Variants in PLCL2 observed in about 807,000 individuals in gnomAD.
The protein encoded by PLCL2 is inactive phospholipase C-like protein 2.
Under a neutral mutation model 79.6 loss-of-function variants are expected in PLCL2, and 4 were observed. The ratio of observed to expected loss-of-function variants is 0.05; its 90% CI spans 0.02 to 0.11. PLCL2 has a LOEUF of 0.11. Ranked by LOEUF, PLCL2 falls within the 10% of genes least tolerant of loss-of-function variation. The probability of loss-of-function intolerance (pLI) is 1.00; values close to 1 mark genes in which losing one functional copy is unlikely to be tolerated. For missense variants in PLCL2, 895 were observed against 1,291.0 expected, an observed-to-expected ratio of 0.69 and a Z score of 4.70; for synonymous variants, 484 against 457.7, an observed-to-expected ratio of 1.06 and a Z score of -0.73.
chr3:17,012,085 T>C lies in PLCL2; in HGVS notation c.2739T>C (p.Ile913=). 6.2e-7 allele frequency: 1 copy of C among 1,614,200 alleles called. No individual in the cohort carries two copies. The highest frequency in any genetic ancestry group is 8.5e-7 in the Non-Finnish European group (1 of 1,179,992). The stretch of plus-strand genomic sequence containing the variant: ...ATGCATCTTTGAGAACACTGTGGAT[T>C]AAAACCGTGGATGAGGTATTCAAGA... ...REYASLRTLW[I]KTVDEVFKNA... The change falls in exon 2 of 6, where the codon ATT becomes ATC. Residue 913 remains isoleucine (I), a synonymous_variant. Coordinates refer to ENST00000615277, the MANE Select transcript of PLCL2 (RefSeq NM_001144382.2).
intron 5 of PLCL2, among the ~76,000 whole-genome samples, chr3:17,079,875 G>A (rs984771405): frequency 6.6e-6 from 1 of 152,188 alleles, no homozygotes; most frequent in African/African-American, 2.4e-5. Context: ...CACATGGAAA[G>A]TCAGATCCAT....
At position 16,885,136 on chromosome 3, in the gene PLCL2, G is replaced by T; in HGVS notation, c.97G>T (p.Gly33Trp). The T allele has an allele frequency of 5.9e-6, 3 of 505,590 alleles. No homozygotes were observed. The highest frequency in any genetic ancestry group is 3.8e-5 in the Admixed American group (1 of 26,116). The allele number at this position is 505,590 out of a possible 1,614,324, so 31.3% of individuals were successfully genotyped here. The change falls in exon 1 of 6, where the codon GGG becomes TGG. Residue 33 changes from glycine to tryptophan, a missense_variant. Transcript: ENST00000615277. Reference protein sequence around the residue: ...GAKGALKAGVGEGGGGGGRLG... With the variant: ...GAKGALKAGVWEGGGGGGRLG... ...CAAGGGCGCCCTGAAAGCCGGAGTG[G>T]GGGAAGGCGGTGGCGGGGGAGGTCG... is the stretch of plus-strand genomic sequence containing the variant.
intron 3 of PLCL2, among the ~76,000 whole-genome samples, chr3:17,037,891 G>A (rs142168611): frequency 6.6e-6 from 1 of 152,058 alleles, no homozygotes; most frequent in East Asian, 1.9e-4. Context: ...ATATGAAGGA[G>A]CAGTCTATAG....
At chr3:17,048,108 C>G (rs2064800514) in intron 4 of PLCL2, among the ~76,000 whole-genome samples, 1 of 149,800 alleles carries the variant, frequency 6.7e-6, no homozygotes, top group East Asian at 2.0e-4. Flanking sequence ...TCAAACTCCT[C>G]AGATCTCAGT....
Position 16,885,226 on chromosome 3 carries a change from G to C in PLCL2, c.187G>C (p.Val63Leu). The C allele has an allele frequency of 1.5e-6, 1 of 661,766 alleles. No homozygotes were observed. The highest frequency in any genetic ancestry group is 1.6e-5 in the South Asian group (1 of 63,886). The allele number at this position is 661,766 out of a possible 1,614,324, so 41.0% of individuals were successfully genotyped here. Reference protein sequence around the residue: ...GVSNGDCSLGVSGDEARASPT... With the variant: ...GVSNGDCSLGLSGDEARASPT... Reference sequence around the variant, plus strand: ...TTCCAACGGAGACTGCAGCCTCGGCGTGTCCGGGGACGAAGCCCGGGCTAG... The same window carrying C: ...TTCCAACGGAGACTGCAGCCTCGGCCTGTCCGGGGACGAAGCCCGGGCTAG... Residue 63 changes from valine to leucine, a missense_variant, in exon 1 of 6, where the codon GTG (valine) becomes CTG (leucine). Transcript: ENST00000615277.
intron 4 of PLCL2, among the ~76,000 whole-genome samples, chr3:17,049,438 C>T (rs1472167373): frequency 2.0e-5 from 3 of 152,148 alleles, no homozygotes; most frequent in Admixed American, 2.0e-4. Flanking sequence ...AGCCTAAAGA[C>T]TCCACCAAAA....
chr3:17,053,121 A>G (rs983919775), intron 4 of PLCL2, among the ~76,000 whole-genome samples: 1 of 152,200 alleles, frequency 6.6e-6, no homozygotes, highest in Non-Finnish European at 1.5e-5. Flanking sequence ...TACTGCTATA[A>G]AGAAATAACT....
At chr3:16,986,030 G>C (rs955150013) in intron 1 of PLCL2, among the ~76,000 whole-genome samples, 1 of 152,058 alleles carries the variant, frequency 6.6e-6, no homozygotes, top group African/African-American at 2.4e-5. Context: ...GTGGAGCCAA[G>C]ACATAGGGAA....
intron 1 of PLCL2, among the ~76,000 whole-genome samples, chr3:16,990,463 C>G (rs138864022): frequency 2.0e-5 from 3 of 152,152 alleles, no homozygotes; most frequent in African/African-American, 7.2e-5. Context: ...TTATGAGAGA[C>G]CAAAGTGTTT....
At chr3:16,954,479 A>G (rs1347456242) in intron 1 of PLCL2, among the ~76,000 whole-genome samples, 2 of 152,182 alleles carry the variant, frequency 1.3e-5, no homozygotes, top group African/African-American at 2.4e-5. Flanking sequence ...TAGTGCCGCA[A>G]TAAACATACG....
chr3:16,936,715 CTT>C (rs761999781), intron 1 of PLCL2, among the ~76,000 whole-genome samples: 1 of 151,840 alleles, frequency 6.6e-6, no homozygotes. Context: ...TAATATATAA[CTT>C]TGTCAATACT....
At chr3:17,004,933 A>G (rs2064245907) in intron 1 of PLCL2, among the ~76,000 whole-genome samples, 2 of 152,218 alleles carry the variant, frequency 1.3e-5, no homozygotes, top group Admixed American at 1.3e-4. Context: ...GATTCAAGCA[A>G]ACCAGAGAGA....
chr3:17,072,681 A>G (rs2065072133), intron 5 of PLCL2, among the ~76,000 whole-genome samples: 1 of 151,998 alleles, frequency 6.6e-6, no homozygotes, highest in African/African-American at 2.4e-5. Context: ...AAAAAAAAAA[A>G]AAAAAAGACA....
chr3:16,949,053 A>G (rs1344932786), intron 1 of PLCL2, among the ~76,000 whole-genome samples: 1 of 152,234 alleles, frequency 6.6e-6, no homozygotes, highest in Non-Finnish European at 1.5e-5. Flanking sequence ...AATAATATGT[A>G]TATATCATAA....
intron 1 of PLCL2, among the ~76,000 whole-genome samples, chr3:16,916,003 A>G (rs1206012314): frequency 1.3e-5 from 2 of 152,218 alleles, no homozygotes; most frequent in Admixed American, 6.5e-5. Flanking sequence ...TAAGGTTTCC[A>G]TTATTCATAA....
chr3:16,934,535 C>T (rs1329947440), intron 1 of PLCL2, among the ~76,000 whole-genome samples: 5 of 152,098 alleles, frequency 3.3e-5, no homozygotes, highest in South Asian at 2.1e-4. Context: ...CCGTAGCTCT[C>T]CATAAGTGTC....
At chr3:16,944,874 C>T (rs1240070172) in intron 1 of PLCL2, among the ~76,000 whole-genome samples, 3 of 151,870 alleles carry the variant, frequency 2.0e-5, no homozygotes, top group Non-Finnish European at 4.4e-5. Flanking sequence ...ATTCTCCTAC[C>T]TCAGCCTCCC....
At position 17,010,844 on chromosome 3, in the gene PLCL2, A is replaced by G. The variant is rs2064313425; in HGVS notation, c.1498A>G (p.Ile500Val). 6.2e-7 allele frequency: 1 copy of G among 1,614,008 alleles called. No homozygotes were observed. Among genetic ancestry groups the G allele is most frequent in the Admixed American group, 1.7e-5 (1 of 59,998 alleles). ...CTCTCAGATAGTTTTCCGCAGTGTC[A>G]TTGATATTATTAACAAGTATGCATT... ...MTSQIVFRSV[I>V]DIINKYAFFA... is the part of the protein sequence containing the mutation. Residue 500 changes from isoleucine (I) to valine (V), a missense_variant, in exon 2 of 6, where the codon ATT becomes GTT. Ile to Val is a conservative substitution (Grantham distance 29, BLOSUM62 3). Transcript: ENST00000615277. This position sits in a 1 kb window ranked among gnomAD's most constrained non-coding sequence, Gnocchi z 5.8.
intron 1 of PLCL2, among the ~76,000 whole-genome samples, chr3:16,927,780 C>T (rs1368148517): frequency 6.6e-6 from 1 of 151,896 alleles, no homozygotes; most frequent in East Asian, 1.9e-4. Flanking sequence ...CCAAAGTGTA[C>T]ACTCCATGGA....
Sources: allele counts gnomAD v4.1 joint callset (sites outside exome capture counted in the v4.1 genomes callset), GRCh38; gene constraint gnomAD v4.1.1; non-coding constraint Gnocchi (gnomAD v3.1); transcripts MANE v1.5; gene names NCBI Gene and HGNC (gene_info 2026-07-23, HGNC 2026-07-21).